The following BCAT1 variants were observed in gnomAD, a reference collection of about 807,000 sequenced individuals.
BCAT1 encodes the protein branched chain amino acid transaminase 1, also known as branched-chain-amino-acid aminotransferase, cytosolic.
In BCAT1, 48 loss-of-function variants were observed where a neutral mutation model predicts 52.4. The ratio of observed to expected loss-of-function variants is 0.92; its 90% CI spans 0.73 to 1.16. The LOEUF (loss-of-function observed/expected upper bound fraction) is 1.16, where lower values mean the gene tolerates loss of function less well. Among genes scored for constraint, BCAT1 ranks in the 50% most tolerant of loss-of-function variants. The pLI is 0.00. For missense variants in BCAT1, 451 were observed against 457.1 expected, an observed-to-expected ratio of 0.99 and a Z score of 0.12; for synonymous variants, 167 against 161.3, an observed-to-expected ratio of 1.04 and a Z score of -0.27.
At chr12:24,829,665 T>A (rs1273480447) in intron 10 of BCAT1, among the ~76,000 whole-genome samples, 158 bp downstream of exon 10, 1 of 152,200 alleles carries the variant, frequency 6.6e-6, no homozygotes, top group Non-Finnish European at 1.5e-5. Context: ...ACACATTGTG[T>A]TGGGAATATC....
intron 5 of BCAT1, among the ~76,000 whole-genome samples, chr12:24,875,964 A>T (rs189553729): frequency 6.6e-6 from 1 of 152,224 alleles, no homozygotes; most frequent in Non-Finnish European, 1.5e-5. Flanking sequence ...CCAAACATCC[A>T]TCGTATCTTA....
rs1565454695 is a variant in BCAT1 at position 24,836,942 on chromosome 12, GAAAGAAAGAAAGAAAA to G, written c.818-362_818-347del. Reference sequence around the variant, plus strand: ...AGAAAGAAAGAAAGAAAGAAAGAAAGAAAGAAAGAAAGAAAAGAGAAAGAAAGAAAGAGAGAGAGGG... The same window carrying G: ...AGAAAGAAAGAAAGAAAGAAAGAAAGGAGAAAGAAAGAAAGAGAGAGAGGG... On this transcript the variant is annotated intron_variant, in intron 7 of 10. Coordinates refer to ENST00000261192, the MANE Select transcript of BCAT1 (RefSeq NM_005504.7). 4.3e-4 allele frequency among the ~76,000 whole-genome samples: 46 copies of G among 107,840 alleles called. 4 individuals are homozygous for G. Among genetic ancestry groups the G allele is most frequent in the African/African-American group, 1.4e-3 (45 of 31,312 alleles). 70.7% of individuals were successfully genotyped at this position (107,840 alleles called of 152,430 possible).
intron 3 of BCAT1, among the ~76,000 whole-genome samples, chr12:24,888,325 C>A (rs1942741220): frequency 6.6e-6 from 1 of 152,060 alleles, no homozygotes; most frequent in Admixed American, 6.6e-5. Flanking sequence ...ATGATGAAAC[C>A]CTGTCTCTAC....
chr12:24,882,263 G>C (rs1942526636), intron 3 of BCAT1, among the ~76,000 whole-genome samples: 1 of 151,938 alleles, frequency 6.6e-6, no homozygotes, highest in Non-Finnish European at 1.5e-5. Flanking sequence ...TCCATATTTT[G>C]GAAAATAAAT....
At chr12:24,844,894 CAAAAAAAAAAA>C (rs11318750) in intron 6 of BCAT1, among the ~76,000 whole-genome samples, 2 of 36,002 alleles carry the variant, frequency 5.6e-5, no homozygotes, top group African/African-American at 2.1e-4. Context: ...GAGACTGTCT[CAAAAAAAAAAA>C]AAAAAAAAAA....
intron 1 of BCAT1, among the ~76,000 whole-genome samples, chr12:24,947,711 G>T (rs915867075): frequency 6.6e-6 from 1 of 152,196 alleles, no homozygotes; most frequent in Non-Finnish European, 1.5e-5. Flanking sequence ...CTACAAAAAC[G>T]CGTAATTAAC....
chr12:24,907,043 C>A (rs1215204988), intron 1 of BCAT1, among the ~76,000 whole-genome samples: 2 of 152,254 alleles, frequency 1.3e-5, no homozygotes, highest in Non-Finnish European at 2.9e-5. Context: ...AAGCTCCCAG[C>A]CCATCCCAGA....
intron 5 of BCAT1, among the ~76,000 whole-genome samples, chr12:24,874,588 C>T (rs551468043): frequency 6.6e-4 from 101 of 152,326 alleles, no homozygotes; most frequent in Middle Eastern, 6.8e-3. Flanking sequence ...ATTAAAAGTT[C>T]AGCTTTCAAT....
chr12:24,901,805 G>A lies in BCAT1; in HGVS notation c.78+9C>T. On this transcript the variant is annotated intron_variant, in intron 2 of 10. Coordinates refer to ENST00000261192, the MANE Select transcript of BCAT1 (RefSeq NM_005504.7). Reference sequence around the variant, plus strand: ...GCTTTAGACACTAAGCCTCTGGCAAGCAACTTACCTTAAAAGTCCCCACCA... The same window carrying A: ...GCTTTAGACACTAAGCCTCTGGCAAACAACTTACCTTAAAAGTCCCCACCA... 6.2e-7 allele frequency: 1 copy of A among 1,613,580 alleles called. No individual in the cohort carries two copies. The highest frequency in any genetic ancestry group is 8.5e-7 in the Non-Finnish European group (1 of 1,179,656).
intron 10 of BCAT1, among the ~76,000 whole-genome samples, chr12:24,826,883 A>T (rs946265211): frequency 2.6e-5 from 4 of 151,994 alleles, no homozygotes; most frequent in African/African-American, 9.7e-5. Context: ...TAGGTATTTT[A>T]TACTTTTTGT....
At position 24,847,567 on chromosome 12, in the gene BCAT1, T is replaced by TTG. The variant is rs143670033; in HGVS notation, c.674+2217_674+2218dup. Among the ~76,000 whole-genome samples the TTG allele has an allele frequency of 4.0e-5, 6 of 151,710 alleles. No individual in the cohort carries two copies. The South Asian group carries it at 6.3e-4, about 16-fold the overall frequency. ...AAAAGAAAAAACTAAGAGAGATAATTTGTGTGTGTGTGTGCACGTGTGCAT... is the reference window on the plus strand; with the variant it reads ...AAAAGAAAAAACTAAGAGAGATAATTTGTGTGTGTGTGTGTGCACGTGTGCAT... On this transcript the variant is annotated intron_variant, in intron 6 of 10. Transcript: ENST00000261192.
At chr12:24,916,942 G>GTATT (rs1943419980) in intron 1 of BCAT1, among the ~76,000 whole-genome samples, 1 of 152,098 alleles carries the variant, frequency 6.6e-6, no homozygotes, top group Non-Finnish European at 1.5e-5. Context: ...AGAAAGAAAG[G>GTATT]TAAATGTTTC....
chr12:24,884,839 A>G (rs553156272), intron 3 of BCAT1, among the ~76,000 whole-genome samples: 1 of 152,346 alleles, frequency 6.6e-6, no homozygotes, highest in South Asian at 2.1e-4. Context: ...GAGGAAAAAA[A>G]CTATATGATC....
At chr12:24,819,964 T>G (rs1234057174) in intron 10 of BCAT1, among the ~76,000 whole-genome samples, 6 of 152,210 alleles carry the variant, frequency 3.9e-5, no homozygotes, top group Non-Finnish European at 7.3e-5. Flanking sequence ...GCAAAATATG[T>G]GTTTTATTTT....
chr12:24,872,232 G>A (rs1471124192), intron 5 of BCAT1, among the ~76,000 whole-genome samples: 1 of 152,184 alleles, frequency 6.6e-6, no homozygotes, highest in Non-Finnish European at 1.5e-5. Context: ...TTAACAAGGT[G>A]ATAAAAGGAA....
Position 24,891,999 on chromosome 12 carries a change from C to T in BCAT1, c.279+2276G>A, listed in dbSNP as rs149866143. ...GTCTCGATCTCCTGACCTCGTGATCCGCCCGCCTTGGCCTCCCAAAGTGCT... is the reference window on the plus strand; with the variant it reads ...GTCTCGATCTCCTGACCTCGTGATCTGCCCGCCTTGGCCTCCCAAAGTGCT... On this transcript the variant is annotated intron_variant, in intron 3 of 10. Coordinates refer to ENST00000261192, the MANE Select transcript of BCAT1 (RefSeq NM_005504.7). Among the ~76,000 whole-genome samples, 592 of 151,972 alleles carry T rather than the reference C, an allele frequency of 3.9e-3. 3 individuals carry two copies. The highest frequency in any genetic ancestry group is 0.013 in the African/African-American group (559 of 41,408).
intron 5 of BCAT1, among the ~76,000 whole-genome samples, chr12:24,866,539 A>G (rs1942019070): frequency 1.3e-5 from 2 of 152,170 alleles, no homozygotes; most frequent in African/African-American, 4.8e-5. Context: ...TGCAAGATAC[A>G]CTGGGTGAAG....
intron 1 of BCAT1, among the ~76,000 whole-genome samples, chr12:24,916,234 A>T (rs764538815): frequency 6.6e-6 from 1 of 152,218 alleles, no homozygotes; most frequent in Non-Finnish European, 1.5e-5. Flanking sequence ...ACCTGTATGA[A>T]TTGGGTGAAT....
intron 1 of BCAT1, among the ~76,000 whole-genome samples, chr12:24,923,037 T>G (rs1943524975): frequency 6.6e-6 from 1 of 152,156 alleles, no homozygotes; most frequent in Admixed American, 6.6e-5. Context: ...AAAATATTAC[T>G]TACTAGGGAA....
Sources: allele counts gnomAD v4.1 joint callset (sites outside exome capture counted in the v4.1 genomes callset), GRCh38; gene constraint gnomAD v4.1.1; transcripts MANE v1.5; gene names NCBI Gene and HGNC (gene_info 2026-07-23, HGNC 2026-07-21).